C1orf159: variants seen among roughly 807,000 people sequenced by gnomAD.
The protein encoded by C1orf159 is chromosome 1 open reading frame 159, also known as uncharacterized protein C1orf159.
A neutral mutation model predicts 25.6 loss-of-function variants in C1orf159; 19 were observed. That is an observed-to-expected ratio of 0.74 (90% CI 0.52 to 1.09). C1orf159 has a LOEUF of 1.09. Ranked by LOEUF, C1orf159 falls within the 50% of genes least tolerant of loss-of-function variation. The pLI is 0.00. For synonymous variants in C1orf159, 139 were observed against 124.7 expected, an observed-to-expected ratio of 1.12 and a Z score of -0.77; for missense variants, 274 against 290.6, an observed-to-expected ratio of 0.94 and a Z score of 0.42.
intron 9 of C1orf159, chr1:1,083,692 G>T: frequency 1.7e-6 from 1 of 579,696 alleles, no homozygotes; most frequent in Non-Finnish European, 3.1e-6. Context: ...GCACCGTGGG[G>T]TCTGCTGGGC....
rs1645892700 is a variant in C1orf159 at position 1,089,575 on chromosome 1, C to T, written c.148+778G>A. ...CCGCGCCCAGCCTCACTGGCTGCCA[C>T]AGCCGCCGTCTTGACCACGCCCTCC... On this transcript the variant is annotated intron_variant, in intron 4 of 9. Coordinates refer to ENST00000421241, the MANE Select transcript of C1orf159 (RefSeq NM_017891.5). This position sits in a 1 kb window ranked among gnomAD's most constrained non-coding sequence, Gnocchi z 7.5. 6.6e-6 allele frequency among the ~76,000 whole-genome samples: 1 copy of T among 152,158 alleles called. No homozygotes were observed. The highest frequency in any genetic ancestry group is 2.1e-4 in the South Asian group (1 of 4,832).
rs1446979523 is a variant in C1orf159 at position 1,082,560 on chromosome 1, C to T, written c.*333G>A. 2 of 377,886 alleles carry T rather than the reference C, an allele frequency of 5.3e-6. No individual in the cohort carries two copies. Among genetic ancestry groups the T allele is most frequent in the Non-Finnish European group, 9.9e-6 (2 of 201,524 alleles). 23.4% of individuals were successfully genotyped at this position (377,886 alleles called of 1,614,324 possible). On this transcript the variant is annotated 3_prime_UTR_variant, in exon 10 of 10. Coordinates refer to ENST00000421241, the MANE Select transcript of C1orf159 (RefSeq NM_017891.5). ...CTTTTCTAGGCAGAGCGGCACCTGC[C>T]CCATAGATCGTGCCAGCTTTGGCTG...
intron 7 of C1orf159, 62 bp from the exon 8 acceptor site, chr1:1,084,568 T>A: frequency 6.5e-7 from 1 of 1,544,328 alleles, no homozygotes; most frequent in East Asian, 2.4e-5. Flanking sequence ...CTCAGCCCAG[T>A]GCAGCGTCCG....
intron 1 of C1orf159, among the ~76,000 whole-genome samples, chr1:1,111,589 G>C (rs1246831703): frequency 2.0e-5 from 3 of 152,160 alleles, no homozygotes; most frequent in Non-Finnish European, 4.4e-5. Context: ...AGGTCACTGT[G>C]ATTTTAAATA....
chr1:1,088,846 G>T lies in C1orf159; in HGVS notation c.149-1249C>A, dbSNP rs760988605. ...AGACCCCGGCACGGTTGTGACAGGG[G>T]TCACTCTGCAGACACACCTCTTGGA... On this transcript the variant is annotated intron_variant, in intron 4 of 9. Transcript: ENST00000421241. Among the ~76,000 whole-genome samples the T allele has an allele frequency of 2.0e-5, 3 of 152,156 alleles. 1 individual carries two copies. Among genetic ancestry groups the T allele is most frequent in the Non-Finnish European group, 4.4e-5 (3 of 68,028 alleles).
intron 1 of C1orf159, among the ~76,000 whole-genome samples, chr1:1,101,456 C>T (rs1388323343): frequency 6.6e-6 from 1 of 152,160 alleles, no homozygotes; most frequent in African/African-American, 2.4e-5. Flanking sequence ...GCACTCCAGC[C>T]TTGGTAACAG....
chr1:1,107,103 C>T (rs12733365), intron 1 of C1orf159, among the ~76,000 whole-genome samples: 36,353 of 152,186 alleles, frequency 0.24, 5,876 homozygotes, highest in African/African-American at 0.46. Flanking sequence ...CCCCCTGCTC[C>T]GCGGCACCCG....
intron 1 of C1orf159, among the ~76,000 whole-genome samples, chr1:1,113,089 G>A (rs535758483): frequency 3.3e-5 from 5 of 152,058 alleles, no homozygotes; most frequent in African/African-American, 9.6e-5. Flanking sequence ...CCAGCTACTC[G>A]GGAGGCTGAG....
In C1orf159 at chr1:1,082,822, G is replaced by A; in HGVS notation, c.*71C>T. 2 of 1,370,574 alleles carry A rather than the reference G, an allele frequency of 1.5e-6. No individual in the cohort carries two copies. Among genetic ancestry groups the A allele is most frequent in the Non-Finnish European group, 2.0e-6 (2 of 983,354 alleles). 84.9% of individuals were successfully genotyped at this position (1,370,574 alleles called of 1,614,324 possible). A position where few individuals can be genotyped will look rare whatever the true frequency, so the allele number is the denominator to read the frequency against. ...GCGCCGGGCGATGCCAACACTTTGT[G>A]CTGGTTCCCGCCAAGGGGTCGGCCT... On this transcript the variant is annotated 3_prime_UTR_variant, in exon 10 of 10. Transcript: ENST00000421241.
intron 1 of C1orf159, among the ~76,000 whole-genome samples, chr1:1,115,306 C>A (rs1362751302): frequency 6.6e-6 from 1 of 152,160 alleles, no homozygotes; most frequent in African/African-American, 2.4e-5. Flanking sequence ...CCCCGACTAG[C>A]CCTCGGCTAC....
At chr1:1,099,608 G>A (rs1646068131) in intron 1 of C1orf159, among the ~76,000 whole-genome samples, 1 of 151,028 alleles carries the variant, frequency 6.6e-6, no homozygotes, top group South Asian at 2.1e-4. Context: ...GATGTTTTTG[G>A]TCTATTGTTC....
In C1orf159 at chr1:1,086,135, C is replaced by T. The variant is rs530050783; in HGVS notation, c.311-123G>A. ...TGAACATGCCTGAGCCTCACGGGACCGGCTGTGGGTGCCGAGGGCTCTGCA... is the reference window on the plus strand; with the variant it reads ...TGAACATGCCTGAGCCTCACGGGACTGGCTGTGGGTGCCGAGGGCTCTGCA... On this transcript the variant is annotated intron_variant, in intron 6 of 9. Coordinates refer to ENST00000421241, the MANE Select transcript of C1orf159 (RefSeq NM_017891.5). The T allele has an allele frequency of 1.6e-5, 20 of 1,239,450 alleles. No homozygotes were observed. In the Admixed American group the frequency reaches 2.4e-4, roughly 15 times the overall value. 76.8% of individuals were successfully genotyped at this position (1,239,450 alleles called of 1,614,324 possible).
chr1:1,086,797 TTAAG>T lies in C1orf159; in HGVS notation c.310+338_310+341del, dbSNP rs527931540. 1.4e-3 allele frequency among the ~76,000 whole-genome samples: 212 copies of T among 151,696 alleles called. 1 individual carries two copies. Among genetic ancestry groups the T allele is most frequent in the African/African-American group, 5.0e-3 (206 of 41,332 alleles). ...TCAGCGTGAGCCGTGAGTGTGAGCC[TTAAG>T]TGTGAACCTAAGAGCGTGCGGTGTG... On this transcript the variant is annotated intron_variant, in intron 6 of 9. Transcript: ENST00000421241.
chr1:1,083,102 G>A, intron 9 of C1orf159, 115 bp from the exon 10 acceptor site: 1 of 836,788 alleles, frequency 1.2e-6, no homozygotes, highest in East Asian at 2.8e-5. Flanking sequence ...AGGCGCCCGG[G>A]GCTGTTTACT....
chr1:1,108,358 G>GGCA (rs776666546), intron 1 of C1orf159, among the ~76,000 whole-genome samples: 1 of 91,794 alleles, frequency 1.1e-5, no homozygotes. Flanking sequence ...ACCATGTCTT[G>GGCA]GCACTGTTCA....
At chr1:1,105,739 G>GCGCGTGGT (rs1553127821) in intron 1 of C1orf159, among the ~76,000 whole-genome samples, 6 of 151,384 alleles carry the variant, frequency 4.0e-5, no homozygotes, top group African/African-American at 1.5e-4. Context: ...AAAATTAGCT[G>GCGCGTGGT]GGCGGGCGCC....
intron 1 of C1orf159, among the ~76,000 whole-genome samples, chr1:1,099,309 T>G (rs113289547): frequency 0.23 from 32,091 of 137,690 alleles, 4,444 homozygotes; most frequent in African/African-American, 0.47. Flanking sequence ...TTTGGTCTAT[T>G]GTTCTAAGAA....
At position 1,090,403 on chromosome 1, in the gene C1orf159, T is replaced by G. The variant is rs1645909709; in HGVS notation, c.98A>C (p.Asp33Ala). 6.5e-7 allele frequency: 1 copy of G among 1,550,350 alleles called. No homozygotes were observed. The highest frequency in any genetic ancestry group is 8.7e-7 in the Non-Finnish European group (1 of 1,146,914). Residue 33 changes from aspartate to alanine, a missense_variant, in exon 4 of 10, where the codon GAT (aspartate) becomes GCT (alanine). Coordinates refer to ENST00000421241, the MANE Select transcript of C1orf159 (RefSeq NM_017891.5). ...NTAQLPECCV[D>A]VVGVNASCPG... ...GCAGCTGGCGTTGACGCCCACCACATCCACACAGCACTCGGGCAGCTGGGC... is the reference window on the plus strand; with the variant it reads ...GCAGCTGGCGTTGACGCCCACCACAGCCACACAGCACTCGGGCAGCTGGGC...
intron 1 of C1orf159, among the ~76,000 whole-genome samples, chr1:1,094,697 GC>G (rs1244833003): frequency 6.6e-6 from 1 of 152,176 alleles, no homozygotes; most frequent in Non-Finnish European, 1.5e-5. Context: ...ACCTTGCCCG[GC>G]CCCCGTCTTA....
Sources: allele counts gnomAD v4.1 joint callset (sites outside exome capture counted in the v4.1 genomes callset), GRCh38; gene constraint gnomAD v4.1.1; non-coding constraint Gnocchi (gnomAD v3.1); transcripts MANE v1.5; gene names NCBI Gene and HGNC (gene_info 2026-07-23, HGNC 2026-07-21).